The following FAM111B variants were observed in gnomAD, a reference collection of about 807,000 sequenced individuals.
FAM111B encodes FAM111 trypsin like peptidase B, also known as serine protease FAM111B.
Under a neutral mutation model 2.8 loss-of-function variants are expected in FAM111B, and 1 was observed. The ratio of observed to expected loss-of-function variants is 0.36; its 90% CI spans 0.13 to 1.70. The LOEUF (loss-of-function observed/expected upper bound fraction) is 1.70, where lower values mean the gene tolerates loss of function less well. Among genes scored for constraint, FAM111B ranks in the 40% most tolerant of loss-of-function variants. The probability of loss-of-function intolerance (pLI) is 0.35; values close to 1 mark genes in which losing one functional copy is unlikely to be tolerated. For synonymous variants in FAM111B, 297 were observed against 295.6 expected, an observed-to-expected ratio of 1.00 and a Z score of -0.05; for missense variants, 882 against 878.9, an observed-to-expected ratio of 1.00 and a Z score of -0.04.
Position 59,125,166 on chromosome 11 carries a change from T to C in FAM111B, c.1069T>C (p.Tyr357His). ...NYYFCSLPRK[Y>H]RQINSQVRRR... ...TTACTTTTGTAGTTTGCCCCGAAAA[T>C]ATAGGCAAATAAACTCACAAGTTAG... The change falls in exon 4 of 4, where the codon TAT becomes CAT. Residue 357 changes from tyrosine to histidine, a missense_variant. Transcript: ENST00000343597. The C allele has an allele frequency of 6.2e-7, 1 of 1,613,878 alleles. No individual in the cohort carries two copies. The highest frequency in any genetic ancestry group is 8.5e-7 in the Non-Finnish European group (1 of 1,179,866).
chr11:59,111,040 T>A (rs1859750447), intron 3 of FAM111B, among the ~76,000 whole-genome samples: 1 of 152,184 alleles, frequency 6.6e-6, no homozygotes, highest in African/African-American at 2.4e-5. Context: ...GGTATACAGT[T>A]TCTTTAAGGA....
chr11:59,109,519 T>C, intron 2 of FAM111B, 21 bp from the exon 3 acceptor site: 1 of 676,834 alleles, frequency 1.5e-6, no homozygotes, highest in Non-Finnish European at 2.4e-6. Context: ...TTCATAGATC[T>C]TGTTTTTTTG....
chr11:59,121,581 AT>A (rs776956202), intron 3 of FAM111B, among the ~76,000 whole-genome samples: 26 of 152,158 alleles, frequency 1.7e-4, no homozygotes, highest in African/African-American at 4.1e-4. Flanking sequence ...TCTTTTTCTC[AT>A]TGCTCTCCTA....
At chr11:59,109,957 G>A (rs1482150237) in intron 3 of FAM111B, 9 of 266,302 alleles carry the variant, frequency 3.4e-5, no homozygotes, top group Non-Finnish European at 6.4e-5. Flanking sequence ...CTTGGAAAGT[G>A]TAGACAGGCA....
rs1419783963 is a variant in FAM111B at position 59,125,485 on chromosome 11, T to G, written c.1388T>G (p.Phe463Cys). 8 of 1,613,876 alleles carry G rather than the reference T, an allele frequency of 5.0e-6. No individual in the cohort carries two copies. Among genetic ancestry groups the G allele is most frequent in the Non-Finnish European group, 6.8e-6 (8 of 1,179,850 alleles). The part of the protein sequence containing the change: ...QLTYYSKSVG[F>C]MQWDNNGNTG... ...ACATATTATAGCAAGTCAGTTGGGT[T>G]CATGCAATGGGACAATAATGGAAAC... The change falls in exon 4 of 4, where the codon TTC becomes TGC. Residue 463 changes from phenylalanine to cysteine, a missense_variant. Phe to Cys is a radical substitution (Grantham distance 205, BLOSUM62 -2). Transcript: ENST00000343597.
intron 3 of FAM111B, among the ~76,000 whole-genome samples, chr11:59,114,617 G>A (rs1400198093): frequency 6.6e-6 from 1 of 152,168 alleles, no homozygotes; most frequent in African/African-American, 2.4e-5. Flanking sequence ...TCTCTAATTG[G>A]CCAGGACAGT....
At chr11:59,122,342 A>G (rs1177076066) in intron 3 of FAM111B, among the ~76,000 whole-genome samples, 2 of 152,336 alleles carry the variant, frequency 1.3e-5, no homozygotes, top group African/African-American at 2.4e-5. Context: ...GTGGTTGTCC[A>G]TGAGAATGAG....
chr11:59,122,389 C>T (rs1207267489), intron 3 of FAM111B, among the ~76,000 whole-genome samples: 2 of 152,106 alleles, frequency 1.3e-5, no homozygotes, highest in Non-Finnish European at 2.9e-5. Flanking sequence ...ACACTGTATG[C>T]CTCTAATGAT....
At chr11:59,113,934 A>T (rs1285464642) in intron 3 of FAM111B, among the ~76,000 whole-genome samples, 1 of 152,224 alleles carries the variant, frequency 6.6e-6, no homozygotes, top group Non-Finnish European at 1.5e-5. Context: ...TACTTTAGGG[A>T]CTAGGCATGT....
chr11:59,121,044 G>A (rs1859913094), intron 3 of FAM111B, among the ~76,000 whole-genome samples: 1 of 141,434 alleles, frequency 7.1e-6, no homozygotes. Flanking sequence ...AACTTGAATG[G>A]TAAAAGCAAC....
At chr11:59,116,538 C>T (rs1023949178) in intron 3 of FAM111B, among the ~76,000 whole-genome samples, 3 of 152,190 alleles carry the variant, frequency 2.0e-5, no homozygotes, top group African/African-American at 7.2e-5. Context: ...AGCCCCTCTT[C>T]TGGAGCCCAG....
rs1859998275 is a variant in FAM111B at position 59,125,100 on chromosome 11, A to T, written c.1003A>T (p.Lys335Ter). 3 of 1,613,812 alleles carry T rather than the reference A, an allele frequency of 1.9e-6. No homozygotes were observed. The highest frequency in any genetic ancestry group is 2.5e-6 in the Non-Finnish European group (3 of 1,179,790). ...LPPQDLSHYI[K>*]DKTRQTIPRI... ...ACCTCAGGATCTAAGCCATTATATT[A>T]AAGATAAAACTCGCCAGACAATTCC... Residue 335 changes from lysine to a stop codon, truncating the protein, a stop_gained, in exon 4 of 4, where the codon AAA (lysine) becomes TAA (stop). Transcript: ENST00000343597. LOFTEE classifies it low-confidence loss of function (END_TRUNC).
chr11:59,125,923 G>A lies in FAM111B; in HGVS notation c.1826G>A (p.Gly609Glu). ...LKKYPNDCQD[G>E]LVDLYDTTSN... Reference sequence around the variant, plus strand: ...AAATATCCAAACGATTGTCAAGATGGGTTGGTAGATCTCTATGATACCACC... The same window carrying A: ...AAATATCCAAACGATTGTCAAGATGAGTTGGTAGATCTCTATGATACCACC... Residue 609 changes from glycine (G) to glutamate (E), a missense_variant, in exon 4 of 4, where the codon GGG (glycine) becomes GAG (glutamate). Gly to Glu is a moderately conservative substitution (Grantham distance 98). Coordinates refer to ENST00000343597, the MANE Select transcript of FAM111B (RefSeq NM_198947.4). 6.2e-7 allele frequency: 1 copy of A among 1,613,764 alleles called. No homozygotes were observed. The highest frequency in any genetic ancestry group is 1.1e-5 in the South Asian group (1 of 91,072).
rs372197121 is a variant in FAM111B at position 59,124,799 on chromosome 11, C to G, written c.702C>G (p.Asp234Glu). The change falls in exon 4 of 4, where the codon GAC (aspartate) becomes GAG (glutamate). Residue 234 changes from aspartate (D) to glutamate (E), a missense_variant. By Grantham distance (45) the Asp-to-Glu change is conservative. Transcript: ENST00000343597. ...ALCKDGRFRS[D>E]IGEFEWKLKE... is the part of the protein sequence containing the mutation. ...GCAAGGATGGCCGTTTTCGGTCTGA[C>G]ATAGGTGAATTTGAATGGAAACTAA... The G allele has an allele frequency of 1.9e-6, 3 of 1,613,550 alleles. No individual in the cohort carries two copies. Among genetic ancestry groups the G allele is most frequent in the Non-Finnish European group, 2.5e-6 (3 of 1,179,784 alleles).
At chr11:59,107,967 T>C (rs1859691443) in intron 1 of FAM111B, among the ~76,000 whole-genome samples, 1 of 152,172 alleles carries the variant, frequency 6.6e-6, no homozygotes, top group Non-Finnish European at 1.5e-5. Flanking sequence ...CAGGTTACCT[T>C]CATAGGTTCT....
chr11:59,115,363 T>C (rs1859823228), intron 3 of FAM111B, among the ~76,000 whole-genome samples: 1 of 152,170 alleles, frequency 6.6e-6, no homozygotes, highest in African/African-American at 2.4e-5. Flanking sequence ...TTTTAACACC[T>C]GCAGGTCCCA....
Position 59,125,386 on chromosome 11 carries a change from A to G in FAM111B, c.1289A>G (p.Gln430Arg), listed in dbSNP as rs551644836. ...AGAATGAATCTTTCACCAGCTAAGC[A>G]ATTCAACATATATAAAAAGGACTTC... is the stretch of plus-strand genomic sequence containing the variant. ...QKRMNLSPAKQFNIYKKDFGK... is the reference protein window; with the variant it reads ...QKRMNLSPAKRFNIYKKDFGK... The change falls in exon 4 of 4, where the codon CAA (glutamine) becomes CGA (arginine). Residue 430 changes from glutamine to arginine, a missense_variant. Coordinates refer to ENST00000343597, the MANE Select transcript of FAM111B (RefSeq NM_198947.4). 6.2e-7 allele frequency: 1 copy of G among 1,613,976 alleles called. No homozygotes were observed. The highest frequency in any genetic ancestry group is 1.3e-5 in the African/African-American group (1 of 75,054).
Position 59,124,712 on chromosome 11 carries a change from T to G in FAM111B, c.615T>G (p.His205Gln), listed in dbSNP as rs1012529988. ...RKKIVKINELHEKGSKLCIYA... is the reference protein window; with the variant it reads ...RKKIVKINELQEKGSKLCIYA... Reference sequence around the variant, plus strand: ...AGATTGTTAAGATCAACGAACTTCATGAAAAAGGAAGTAAACTTTGTATTT... The same window carrying G: ...AGATTGTTAAGATCAACGAACTTCAGGAAAAAGGAAGTAAACTTTGTATTT... The change falls in exon 4 of 4, where the codon CAT becomes CAG. Residue 205 changes from histidine to glutamine, a missense_variant. Physicochemically the swap from His to Gln is conservative, Grantham distance 24. Transcript: ENST00000343597. 5 of 1,613,384 alleles carry G rather than the reference T, an allele frequency of 3.1e-6. No homozygotes were observed. In the Admixed American group the frequency reaches 6.7e-5, roughly 22 times the overall value.
rs767220085 is a variant in FAM111B at position 59,125,850 on chromosome 11, A to G, written c.1753A>G (p.Lys585Glu). The change falls in exon 4 of 4, where the codon AAG becomes GAG. Residue 585 changes from lysine to glutamate, a missense_variant. Physicochemically the swap from Lys to Glu is moderately conservative, Grantham distance 56 (BLOSUM62 1). Coordinates refer to ENST00000343597, the MANE Select transcript of FAM111B (RefSeq NM_198947.4). ...AATTGGTCATCCTGAAGGCCAGATC[A>G]AGAAAATAGATGGTTGTACTGTGAT... ...YLIGHPEGQI[K>E]KIDGCTVIPL... is the part of the protein sequence containing the mutation. The G allele has an allele frequency of 1.9e-6, 3 of 1,613,952 alleles. No individual in the cohort carries two copies. Among genetic ancestry groups the G allele is most frequent in the Non-Finnish European group, 2.5e-6 (3 of 1,179,852 alleles).
Sources: gnomAD v4.1 joint callset for allele counts (sites outside exome capture counted in the v4.1 genomes callset) on GRCh38, gnomAD v4.1.1 for gene constraint, MANE v1.5 for transcripts, NCBI Gene and HGNC (gene_info 2026-07-23, HGNC 2026-07-21) for gene names.